The following ZNF560 variants were observed in gnomAD, a reference collection of about 807,000 sequenced individuals.
ZNF560 encodes zinc finger protein 560.
In ZNF560, 54 loss-of-function variants were observed where a neutral mutation model predicts 81.8. That is an observed-to-expected ratio of 0.66 (90% CI 0.53 to 0.83). The LOEUF (loss-of-function observed/expected upper bound fraction) is 0.83. Among genes scored for constraint, ZNF560 ranks in the 40% least tolerant of loss-of-function variants. The pLI is 0.00. For synonymous variants in ZNF560, 321 were observed against 317.9 expected, an observed-to-expected ratio of 1.01 and a Z score of -0.10; for missense variants, 940 against 932.4, an observed-to-expected ratio of 1.01 and a Z score of -0.11.
At chr19:9,504,011 T>G in the ZNF560 span, among the ~76,000 whole-genome samples, 1 of 152,256 alleles carries the variant, frequency 6.6e-6, no homozygotes, top group African/African-American at 2.4e-5. Context: ...GTTCTTGATC[T>G]CCTGTTTTTT....
downstream of ZNF560, among the ~76,000 whole-genome samples, chr19:9,461,641 C>A (rs982114720): frequency 2.6e-5 from 4 of 152,136 alleles, no homozygotes; most frequent in African/African-American, 9.7e-5. Context: ...TTAATCAAAT[C>A]AATGATCTCC....
Position 9,477,813 on chromosome 19 carries a change from G to A in ZNF560, c.-56-2444C>T, listed in dbSNP as rs1218881896. Among the ~76,000 whole-genome samples, 5 of 149,974 alleles carry A rather than the reference G, an allele frequency of 3.3e-5. No homozygotes were observed. In the South Asian group the frequency reaches 6.2e-4, roughly 19 times the overall value. On this transcript the variant is annotated intron_variant, in intron 2 of 9. Transcript: ENST00000301480. ...ATTGAGATCATCAACAGTAGAGAAG[G>A]AAAAGAAAAAAATCTTTGAACTTGA...
chr19:9,449,462 A>C, the ZNF560 span, among the ~76,000 whole-genome samples: 1 of 152,196 alleles, frequency 6.6e-6, no homozygotes, highest in African/African-American at 2.4e-5. Flanking sequence ...TGAAGGCAAA[A>C]AAACAAGATA....
Position 9,471,156 on chromosome 19 carries a change from T to G in ZNF560, c.321+140A>C, listed in dbSNP as rs191432043. The G allele has an allele frequency of 9.2e-6, 5 of 545,638 alleles. 1 individual carries two copies. The highest frequency in any genetic ancestry group is 5.9e-5 in the African/African-American group (3 of 50,544). The allele number at this position is 545,638 out of a possible 1,614,324, so 33.8% of individuals were successfully genotyped here. On this transcript the variant is annotated intron_variant, in intron 6 of 9. Transcript: ENST00000301480. The stretch of plus-strand genomic sequence containing the variant: ...TTAGATCTCCCCAAATTCATCATTA[T>G]CAGAGCATCTCTCCAGAGACATTGC...
upstream of ZNF560, among the ~76,000 whole-genome samples, chr19:9,499,870 T>A (rs1225994912): frequency 2.6e-5 from 4 of 152,192 alleles, no homozygotes; most frequent in Non-Finnish European, 5.9e-5. Context: ...AGTTTCCTTT[T>A]CTGATTGTTC....
chr19:9,500,794 C>T (rs1034141976), upstream of ZNF560, among the ~76,000 whole-genome samples: 1 of 152,032 alleles, frequency 6.6e-6, no homozygotes, highest in Admixed American at 6.6e-5. Flanking sequence ...CCAGGCTGGT[C>T]TCCAACTCCT....
intron 2 of ZNF560, among the ~76,000 whole-genome samples, chr19:9,486,665 A>C (rs1238273731): frequency 2.0e-5 from 3 of 151,932 alleles, no homozygotes; most frequent in Non-Finnish European, 4.4e-5. Context: ...ACTTGAACCC[A>C]GGAGGTGGAG....
At chr19:9,494,811 G>A (rs1335615255) in intron 2 of ZNF560, among the ~76,000 whole-genome samples, 1 of 152,126 alleles carries the variant, frequency 6.6e-6, no homozygotes, top group Non-Finnish European at 1.5e-5. Flanking sequence ...GTAGGCTGAG[G>A]CAAAAGAATC....
downstream of ZNF560, among the ~76,000 whole-genome samples, chr19:9,462,987 C>G (rs1197515696): frequency 6.6e-6 from 1 of 152,082 alleles, no homozygotes; most frequent in African/African-American, 2.4e-5. Flanking sequence ...GCAACCAATA[C>G]AGTGATTAGT....
At position 9,484,153 on chromosome 19, in the gene ZNF560, G is replaced by A. The variant is rs566755426; in HGVS notation, c.-56-8784C>T. 2.0e-5 allele frequency among the ~76,000 whole-genome samples: 3 copies of A among 152,212 alleles called. No homozygotes were observed. The South Asian group carries it at 6.2e-4, about 32-fold the overall frequency. On this transcript the variant is annotated intron_variant, in intron 2 of 9. Coordinates refer to ENST00000301480, the MANE Select transcript of ZNF560 (RefSeq NM_152476.3). Reference sequence around the variant, plus strand: ...TCAAGTACCCAGAGACACAAACACTGTGGAAGGCCCCAGGGTCCTCTGCCT... The same window carrying A: ...TCAAGTACCCAGAGACACAAACACTATGGAAGGCCCCAGGGTCCTCTGCCT...
At chr19:9,459,588 C>T in the ZNF560 span, among the ~76,000 whole-genome samples, 2 of 152,000 alleles carry the variant, frequency 1.3e-5, no homozygotes. Flanking sequence ...GTCCAGGGGG[C>T]CAACACTAGT....
At chr19:9,506,139 C>T in the ZNF560 span, among the ~76,000 whole-genome samples, 12 of 150,964 alleles carry the variant, frequency 7.9e-5, no homozygotes, top group Non-Finnish European at 1.3e-4. Context: ...ATTACAGGTA[C>T]GCACCACCAC....
the ZNF560 span, among the ~76,000 whole-genome samples, chr19:9,504,635 G>A: frequency 4.7e-4 from 71 of 152,146 alleles, no homozygotes; most frequent in Non-Finnish European, 9.1e-4. Context: ...CTATGTAGAT[G>A]TCCTTTTATT....
At chr19:9,499,760 CTCTT>C (rs2073616373), upstream of ZNF560, among the ~76,000 whole-genome samples, 1 of 152,162 alleles carries the variant, frequency 6.6e-6, no homozygotes, top group African/African-American at 2.4e-5. Context: ...CTTCTTTAAA[CTCTT>C]TCAGTAATGT....
At chr19:9,475,414 C>T in intron 2 of ZNF560, 45 bp from the exon 3 acceptor site, 1 of 1,141,628 alleles carries the variant, frequency 8.8e-7, no homozygotes, top group South Asian at 1.4e-5. Flanking sequence ...AATCACAGTT[C>T]CAACATTCGC....
chr19:9,489,399 A>G (rs1335652187), intron 2 of ZNF560, among the ~76,000 whole-genome samples: 2 of 151,500 alleles, frequency 1.3e-5, no homozygotes, highest in African/African-American at 2.4e-5. Context: ...CACTTCCCAG[A>G]CGGTGTGGTG....
chr19:9,464,480 ACTAT>A (rs762314856), downstream of ZNF560, among the ~76,000 whole-genome samples: 11 of 152,200 alleles, frequency 7.2e-5, no homozygotes, highest in South Asian at 2.1e-4. Context: ...ATCTTAAGTT[ACTAT>A]CTGTTAGTGC....
At chr19:9,497,314 C>G (rs1485016561) in intron 2 of ZNF560, among the ~76,000 whole-genome samples, 1 of 151,706 alleles carries the variant, frequency 6.6e-6, no homozygotes, top group African/African-American at 2.4e-5. Flanking sequence ...CAGGCATTAC[C>G]CACTACTTAA....
chr19:9,465,435 G>A (rs1462545754), downstream of ZNF560, among the ~76,000 whole-genome samples: 1 of 152,152 alleles, frequency 6.6e-6, no homozygotes, highest in African/African-American at 2.4e-5. Flanking sequence ...ACTGCGCCTG[G>A]CCAGCTCTCT....
Sources: gnomAD v4.1 joint callset for allele counts (sites outside exome capture counted in the v4.1 genomes callset) on GRCh38, gnomAD v4.1.1 for gene constraint, MANE v1.5 for transcripts, NCBI Gene and HGNC (gene_info 2026-07-23, HGNC 2026-07-21) for gene names.